USP48: variants seen among roughly 807,000 people sequenced by gnomAD.
USP48 encodes the protein ubiquitin carboxyl-terminal hydrolase 48.
In USP48, 43 loss-of-function variants were observed where a neutral mutation model predicts 150.7. The observed-to-expected ratio is 0.29, with a 90% confidence interval of 0.22 to 0.37. The LOEUF is 0.37. USP48 is among the 10% of genes least tolerant of loss of function. The pLI is 1.00. For missense variants in USP48, 813 were observed against 1,249.6 expected (o/e 0.65, Z 5.27); for synonymous variants, 396 against 425.9 (o/e 0.93, Z 0.86).
At chr1:21,720,441 G>A (rs143960071) in intron 14 of USP48, among the ~76,000 whole-genome samples, 23 of 152,238 alleles carry the variant, frequency 1.5e-4, no homozygotes, top group Non-Finnish European at 2.8e-4. Flanking sequence ...TGAGCTACTT[G>A]TGAGAGCTTG....
At chr1:21,704,119 G>A (rs2097665247) in intron 20 of USP48, 143 bp downstream of exon 20, 1 of 853,962 alleles carries the variant, frequency 1.2e-6, no homozygotes, top group Non-Finnish European at 1.8e-6. Context: ...TACAAATAAT[G>A]GGATGATTAT....
intron 1 of USP48, among the ~76,000 whole-genome samples, chr1:21,780,708 A>G (rs531122031): frequency 5.9e-5 from 9 of 151,806 alleles, no homozygotes; most frequent in African/African-American, 2.2e-4. Context: ...GAGGCGGAAC[A>G]TACAGGGCAT....
At chr1:21,697,441 A>T (rs1013181597) in intron 22 of USP48, among the ~76,000 whole-genome samples, 4 of 152,196 alleles carry the variant, frequency 2.6e-5, no homozygotes, top group Admixed American at 6.5e-5. Context: ...AGGTGGGCGG[A>T]TCACAAGGTC....
Position 21,727,950 on chromosome 1 carries a change from ATAACT to A in USP48, c.1450+615_1450+619del, listed in dbSNP as rs539338464. Reference sequence around the variant, plus strand: ...AATTCATGTCTTTAAAATGACAAAGATAACTTAATACAAATGGCACATCAGCCTTT... The same window carrying A: ...AATTCATGTCTTTAAAATGACAAAGATAATACAAATGGCACATCAGCCTTT... On this transcript the variant is annotated intron_variant, in intron 11 of 26. Coordinates refer to ENST00000308271, the MANE Select transcript of USP48 (RefSeq NM_032236.8). 2.3e-4 allele frequency: 229 copies of A among 985,362 alleles called. No homozygotes were observed. In the African/African-American group the frequency reaches 3.7e-3, roughly 16 times the overall value. 61.0% of individuals were successfully genotyped at this position (985,362 alleles called of 1,614,324 possible).
intron 22 of USP48, among the ~76,000 whole-genome samples, chr1:21,700,199 T>C (rs567119583): frequency 1.3e-5 from 2 of 152,048 alleles, no homozygotes; most frequent in Non-Finnish European, 2.9e-5. Context: ...TGTACAGATT[T>C]GGTTAGCACT....
In USP48 at chr1:21,772,921, C is replaced by CA. The variant is rs112945957; in HGVS notation, c.134+9902dup. 3.2e-3 allele frequency among the ~76,000 whole-genome samples: 344 copies of CA among 108,160 alleles called. 1 individual carries two copies. Among genetic ancestry groups the CA allele is most frequent in the Admixed American group, 6.3e-3 (64 of 10,104 alleles). The allele number at this position is 108,160 out of a possible 152,430, so 71.0% of individuals were successfully genotyped here. A position where few individuals can be genotyped will look rare whatever the true frequency, so the allele number is the denominator to read the frequency against. On this transcript the variant is annotated intron_variant, in intron 1 of 26. Transcript: ENST00000308271. ...TGGGAAACAGAGCAAGACTCTGTCT[C>CA]AAAAAAAAAAAACCAAGAAAGAAAG...
chr1:21,747,503 C>T (rs991354265), intron 7 of USP48, among the ~76,000 whole-genome samples: 3 of 151,642 alleles, frequency 2.0e-5, no homozygotes, highest in Non-Finnish European at 4.4e-5. Flanking sequence ...GTAATGAGTA[C>T]AAAATTTATT....
intron 22 of USP48, among the ~76,000 whole-genome samples, chr1:21,697,391 T>C (rs2994999): frequency 0.22 from 33,335 of 151,236 alleles, 4,582 homozygotes; most frequent in Non-Finnish European, 0.31. Context: ...AGGCCAGGCG[T>C]GGTGGCTCAT....
At chr1:21,720,814 A>C (rs1001821052) in intron 14 of USP48, among the ~76,000 whole-genome samples, 1 of 152,016 alleles carries the variant, frequency 6.6e-6, no homozygotes, top group Non-Finnish European at 1.5e-5. Flanking sequence ...TATAGGCATG[A>C]ACCACCGCAC....
Position 21,680,879 on chromosome 1 carries a change from C to A in USP48, c.3059-45G>T. The A allele has an allele frequency of 2.0e-6, 3 of 1,476,258 alleles. No homozygotes were observed. In the South Asian group the frequency reaches 3.7e-5, roughly 18 times the overall value. The allele number at this position is 1,476,258 out of a possible 1,614,324, so 91.4% of individuals were successfully genotyped here. A position where few individuals can be genotyped will look rare whatever the true frequency, so the allele number is the denominator to read the frequency against. On this transcript the variant is annotated intron_variant, in intron 25 of 26. Transcript: ENST00000308271. ...AAGAATTCCAAATTGAAAAGATTGT[C>A]GTGACAGACAGTAATATCATTTCAA...
intron 22 of USP48, among the ~76,000 whole-genome samples, chr1:21,699,674 C>T (rs1279889114): frequency 3.3e-5 from 5 of 151,726 alleles, no homozygotes; most frequent in African/African-American, 4.8e-5. Flanking sequence ...CCACCACGCC[C>T]GGCTAATTTT....
rs564344953 is a variant in USP48 at position 21,751,109 on chromosome 1, C to T, written c.774+398G>A. Among the ~76,000 whole-genome samples, 20 of 152,022 alleles carry T rather than the reference C, an allele frequency of 1.3e-4. No homozygotes were observed. The South Asian group carries it at 3.1e-3, about 24-fold the overall frequency. On this transcript the variant is annotated intron_variant, in intron 6 of 26. Transcript: ENST00000308271. ...GAAAGGAATCACTGAATTATCTCCACATGAATCTAAATATACAGAAAGCAG... is the reference window on the plus strand; with the variant it reads ...GAAAGGAATCACTGAATTATCTCCATATGAATCTAAATATACAGAAAGCAG...
intron 1 of USP48, among the ~76,000 whole-genome samples, chr1:21,765,445 G>C (rs1210283138): frequency 6.6e-6 from 1 of 151,904 alleles, no homozygotes; most frequent in African/African-American, 2.4e-5. Context: ...GTGAAACCCC[G>C]TTCTCTACTA....
intron 25 of USP48, 99 bp downstream of exon 25, chr1:21,687,087 TCAAGG>T: frequency 2.8e-6 from 3 of 1,072,452 alleles, no homozygotes; most frequent in Admixed American, 2.3e-5. Context: ...GAAGCTTTTT[TCAAGG>T]TTCAAAGTAA....
chr1:21,712,736 C>A (rs2097693623), intron 15 of USP48, among the ~76,000 whole-genome samples: 1 of 150,276 alleles, frequency 6.7e-6, no homozygotes, highest in African/African-American at 2.5e-5. Context: ...TCAAGCAATT[C>A]TCCTGGGTCA....
In USP48 at chr1:21,706,110, CAT is replaced by C. The variant is rs1491231981; in HGVS notation, c.2273+14_2273+15del. 2.0e-5 allele frequency: 33 copies of C among 1,610,996 alleles called. No homozygotes were observed. The South Asian group carries it at 3.5e-4, about 17-fold the overall frequency. ...ATCAGTAACAATAAAGGAAATAAAA[CAT>C]ATTTTGTTTCTACCTAACAAATTTC... On this transcript the variant is annotated intron_variant, in intron 18 of 26. Transcript: ENST00000308271.
intron 1 of USP48, among the ~76,000 whole-genome samples, chr1:21,773,443 C>G (rs6694903): frequency 0.72 from 109,577 of 151,728 alleles, 40,305 homozygotes; most frequent in Admixed American, 0.81. Context: ...CTGAGGATTT[C>G]TTGGGCCCAG....
intron 14 of USP48, 76 bp from the exon 15 acceptor site, chr1:21,715,533 C>T: frequency 5.7e-6 from 5 of 884,596 alleles, no homozygotes; most frequent in Non-Finnish European, 8.8e-6. Context: ...ATATACTACT[C>T]TGCACAATTT....
intron 3 of USP48, 28 bp from the exon 4 acceptor site, chr1:21,753,147 G>GT: frequency 6.3e-7 from 1 of 1,579,172 alleles, no homozygotes; most frequent in Non-Finnish European, 8.6e-7. Flanking sequence ...TAGATTTGGG[G>GT]TTTTTTAAGG....
Sources: allele counts gnomAD v4.1 joint callset (sites outside exome capture counted in the v4.1 genomes callset), GRCh38; gene constraint gnomAD v4.1.1; transcripts MANE v1.5; gene names NCBI Gene and HGNC (gene_info 2026-07-23, HGNC 2026-07-21).